Variants in FAM178B observed in about 807,000 individuals in gnomAD.
The protein encoded by FAM178B is protein FAM178B.
A neutral mutation model predicts 91.7 loss-of-function variants in FAM178B; 82 were observed. That is an observed-to-expected ratio of 0.89 (90% CI 0.75 to 1.07). The LOEUF is 1.07. Among genes scored for constraint, FAM178B ranks in the 50% least tolerant of loss-of-function variants. FAM178B has a pLI of 0.00. For missense variants in FAM178B, 769 were observed against 846.7 expected (o/e 0.91, Z 1.14); for synonymous variants, 368 against 359.4 (o/e 1.02, Z -0.27).
intron 13 of FAM178B, among the ~76,000 whole-genome samples, chr2:96,896,723 A>C (rs2080831243): frequency 6.6e-6 from 1 of 152,156 alleles, no homozygotes; most frequent in African/African-American, 2.4e-5. Flanking sequence ...GTGTCTGCAA[A>C]GACCCAACGA....
chr2:96,956,108 C>T (rs896737573), intron 6 of FAM178B, among the ~76,000 whole-genome samples: 1 of 152,234 alleles, frequency 6.6e-6, no homozygotes, highest in Non-Finnish European at 1.5e-5. Flanking sequence ...CTATGACTAA[C>T]TGAGCAGGGC....
At chr2:96,903,230 A>G (rs1038150616) in intron 12 of FAM178B, among the ~76,000 whole-genome samples, 1 of 152,090 alleles carries the variant, frequency 6.6e-6, no homozygotes, top group Non-Finnish European at 1.5e-5. Flanking sequence ...TAGTAGAGAC[A>G]GGGTTTCACC....
At chr2:96,879,822 G>A (rs756072196) in intron 14 of FAM178B, among the ~76,000 whole-genome samples, 2 of 152,364 alleles carry the variant, frequency 1.3e-5, no homozygotes, top group African/African-American at 4.8e-5. Flanking sequence ...TCTGCCTGCC[G>A]GGTCCCTGCA....
In FAM178B at chr2:96,986,228, TCA is replaced by T; in HGVS notation, c.73+11_73+12del. Reference sequence around the variant, plus strand: ...CACGCGCCCCTGCGGTTCCTCGGCCTCAGTTTCCTTACCTGTAAAATGGAGCC... The same window carrying T: ...CACGCGCCCCTGCGGTTCCTCGGCCTGTTTCCTTACCTGTAAAATGGAGCC... On this transcript the variant is annotated intron_variant, in intron 1 of 16. Transcript: ENST00000490605. 6.5e-7 allele frequency: 1 copy of T among 1,534,572 alleles called. No homozygotes were observed.
At chr2:96,907,362 G>A (rs571263872) in intron 12 of FAM178B, among the ~76,000 whole-genome samples, 1 of 152,310 alleles carries the variant, frequency 6.6e-6, no homozygotes, top group Admixed American at 6.5e-5. Flanking sequence ...CAGGGCACAA[G>A]CAGAGGGGCT....
chr2:96,914,686 T>C (rs2081213088), intron 12 of FAM178B, among the ~76,000 whole-genome samples: 1 of 152,188 alleles, frequency 6.6e-6, no homozygotes, highest in African/African-American at 2.4e-5. Context: ...CCCAGGGGTC[T>C]AAGACCAGGC....
chr2:96,906,022 T>A (rs1574226689), intron 12 of FAM178B, among the ~76,000 whole-genome samples: 1 of 142,458 alleles, frequency 7.0e-6, no homozygotes, highest in East Asian at 2.2e-4. Flanking sequence ...AGGCATGTGC[T>A]ACCACGCCCA....
At chr2:96,946,789 C>G (rs773550181) in intron 8 of FAM178B, among the ~76,000 whole-genome samples, 1 of 152,220 alleles carries the variant, frequency 6.6e-6, no homozygotes, top group African/African-American at 2.4e-5. Context: ...CAAAGTGCAT[C>G]GGGGGCTACA....
At position 96,955,319 on chromosome 2, in the gene FAM178B, G is replaced by T. The variant is rs545455148; in HGVS notation, c.888-3835C>A. Among the ~76,000 whole-genome samples the T allele has an allele frequency of 1.6e-4, 24 of 152,294 alleles. 1 individual carries two copies. In the East Asian group the frequency reaches 1.9e-3, roughly 12 times the overall value. On this transcript the variant is annotated intron_variant, in intron 6 of 16. Transcript: ENST00000490605. ...AGGTCAGGAGATCGAGACCATCCTG[G>T]CTAACACAGTGAAACCCCGTCTCTA...
chr2:96,927,399 G>A (rs2081460501), intron 9 of FAM178B, among the ~76,000 whole-genome samples: 1 of 152,176 alleles, frequency 6.6e-6, no homozygotes, highest in South Asian at 2.1e-4. Context: ...TGAATCCTCT[G>A]ATGGGAAATG....
intron 6 of FAM178B, among the ~76,000 whole-genome samples, chr2:96,957,294 T>C (rs957981651): frequency 6.6e-6 from 1 of 152,136 alleles, no homozygotes; most frequent in Admixed American, 6.5e-5. Flanking sequence ...AAGGAGGAAA[T>C]GAAAGATGAC....
chr2:96,946,205 C>CT (rs976620412), intron 8 of FAM178B, among the ~76,000 whole-genome samples: 3 of 152,192 alleles, frequency 2.0e-5, no homozygotes, highest in African/African-American at 7.2e-5. Context: ...TTTCCTTCCT[C>CT]TTTTTTTAAA....
At chr2:96,978,482 T>C (rs2082320013) in intron 1 of FAM178B, among the ~76,000 whole-genome samples, 1 of 152,210 alleles carries the variant, frequency 6.6e-6, no homozygotes, top group Non-Finnish European at 1.5e-5. Flanking sequence ...TGTCTGTGGC[T>C]TCCTTCTGTA....
intron 12 of FAM178B, among the ~76,000 whole-genome samples, chr2:96,918,732 A>C (rs545390408): frequency 6.6e-6 from 1 of 152,278 alleles, no homozygotes; most frequent in African/African-American, 2.4e-5. Context: ...TGCCTCAAAG[A>C]AAAAGTAGGA....
intron 13 of FAM178B, among the ~76,000 whole-genome samples, chr2:96,895,460 TC>T (rs1014041717): frequency 6.6e-6 from 1 of 152,148 alleles, no homozygotes; most frequent in Non-Finnish European, 1.5e-5. Context: ...TCTGAACCCC[TC>T]TGGAGGGAAT....
chr2:96,894,099 A>C (rs931890915), intron 13 of FAM178B, 48 bp from the exon 14 acceptor site: 1 of 1,563,174 alleles, frequency 6.4e-7, no homozygotes. Flanking sequence ...GGTGGCCAAG[A>C]GCTCAGGGTG....
intron 13 of FAM178B, among the ~76,000 whole-genome samples, chr2:96,900,307 T>A (rs550673843): frequency 6.6e-6 from 1 of 152,036 alleles, no homozygotes; most frequent in South Asian, 2.1e-4. Flanking sequence ...TGAAGTAACC[T>A]CAGCACCGGT....
intron 6 of FAM178B, among the ~76,000 whole-genome samples, chr2:96,957,640 G>C (rs1178674711): frequency 6.6e-6 from 1 of 152,114 alleles, no homozygotes; most frequent in Non-Finnish European, 1.5e-5. Context: ...ACCTGCTGTC[G>C]GCACAAACTC....
At position 96,959,200 on chromosome 2, in the gene FAM178B, A is replaced by G. The variant is rs796963323; in HGVS notation, c.887+1088T>C. 1.0e-3 allele frequency among the ~76,000 whole-genome samples: 78 copies of G among 75,292 alleles called. 1 individual carries two copies. The highest frequency in any genetic ancestry group is 7.8e-3 in the African/African-American group (31 of 3,986). The allele number at this position is 75,292 out of a possible 152,430, so 49.4% of individuals were successfully genotyped here. On this transcript the variant is annotated intron_variant, in intron 6 of 16. Transcript: ENST00000490605. Reference sequence around the variant, plus strand: ...GGTGACAGAGCGAGACTCAGTTTTGAAAAAAAAAAAAAAAAAAAAAAAAAA... The same window carrying G: ...GGTGACAGAGCGAGACTCAGTTTTGGAAAAAAAAAAAAAAAAAAAAAAAAA...
Sources: gnomAD v4.1 joint callset for allele counts (sites outside exome capture counted in the v4.1 genomes callset) on GRCh38, gnomAD v4.1.1 for gene constraint, MANE v1.5 for transcripts, NCBI Gene and HGNC (gene_info 2026-07-23, HGNC 2026-07-21) for gene names.